The following HPS4 variants were observed in gnomAD, a reference collection of about 807,000 sequenced individuals.
HPS4 encodes the protein BLOC-3 complex member HPS4.
A neutral mutation model predicts 70.3 loss-of-function variants in HPS4; 44 were observed. The ratio of observed to expected loss-of-function variants is 0.63; its 90% CI spans 0.49 to 0.80. The LOEUF (loss-of-function observed/expected upper bound fraction) is 0.80, where lower values mean the gene tolerates loss of function less well. Ranked by LOEUF, HPS4 falls within the 30% of genes least tolerant of loss-of-function variation. HPS4 has a pLI of 0.00. For synonymous variants in HPS4, 377 were observed against 355.9 expected (o/e 1.06, Z -0.67); for missense variants, 873 against 884.4 (o/e 0.99, Z 0.16).
rs574465949 is a variant in HPS4, at chr22:26,469,145, C to T, written c.597-522G>A. Among the ~76,000 whole-genome samples, 27 of 152,106 alleles carry T rather than the reference C, an allele frequency of 1.8e-4. 1 individual carries two copies. In the South Asian group the frequency reaches 5.4e-3, roughly 30 times the overall value. On this transcript the variant is annotated intron_variant, in intron 7 of 13. Coordinates refer to ENST00000398145, the MANE Select transcript of HPS4 (RefSeq NM_022081.6). The stretch of plus-strand genomic sequence containing the variant: ...CCCACCAAACTGCCAATGGTGAGGA[C>T]AGGTTAAGAGTGAGGGAGAGGCTGG...
Position 26,458,451 on chromosome 22 carries a change from G to A in HPS4, c.1840C>T (p.Leu614=). 4 of 1,614,114 alleles carry A rather than the reference G, an allele frequency of 2.5e-6. No homozygotes were observed. The highest frequency in any genetic ancestry group is 3.4e-6 in the Non-Finnish European group (4 of 1,180,008). ...CCCCTTGGCTGGTTCTTACCCATCA[G>A]CAAGCTCTGAATGCGGTCGTAATGT... ...FTHYDRIQSL[L]MANLPQVATP... is the part of the protein sequence containing the mutation. Residue 614 remains leucine (L), a synonymous_variant, in exon 12 of 14, where the codon CTG becomes TTG. Transcript: ENST00000398145.
At position 26,472,317 on chromosome 22, in the gene HPS4, G is replaced by A; in HGVS notation, c.486C>T (p.Asn162=). ...AAAATGTTACTTTAGTTTGGTCCAAGTTCCAGAGGGAATTGAAAATCTTAT... is the reference window on the plus strand; with the variant it reads ...AAAATGTTACTTTAGTTTGGTCCAAATTCCAGAGGGAATTGAAAATCTTAT... ...DLHKIFNSLW[N]LDQTKVEPLL... is the part of the protein sequence containing the mutation. Residue 162 remains asparagine (N), a synonymous_variant, in exon 6 of 14, where the codon AAC becomes AAT. Transcript: ENST00000398145. The A allele has an allele frequency of 6.2e-7, 1 of 1,606,018 alleles. No homozygotes were observed. The highest frequency in any genetic ancestry group is 8.5e-7 in the Non-Finnish European group (1 of 1,172,546).
At chr22:26,473,715 C>T (rs2090153150) in intron 4 of HPS4, among the ~76,000 whole-genome samples, 1 of 152,050 alleles carries the variant, frequency 6.6e-6, no homozygotes, top group Admixed American at 6.6e-5. Flanking sequence ...TGCACTCCAG[C>T]CTGGCAACAG....
intron 4 of HPS4, among the ~76,000 whole-genome samples, chr22:26,475,058 CA>C (rs1205659919): frequency 3.3e-5 from 5 of 152,176 alleles, no homozygotes; most frequent in African/African-American, 1.2e-4. Flanking sequence ...CTCTATGACC[CA>C]GCAATTCCAG....
intron 7 of HPS4, 79 bp downstream of exon 7, chr22:26,470,640 A>G (rs1260678338): frequency 2.9e-6 from 4 of 1,399,624 alleles, no homozygotes; most frequent in African/African-American, 2.8e-5. Context: ...TGGGCTCCCC[A>G]CTGTGATCTG....
chr22:26,464,590 C>G lies in HPS4; in HGVS notation c.1040G>C (p.Gly347Ala). The G allele has an allele frequency of 6.2e-7, 1 of 1,614,206 alleles. No individual in the cohort carries two copies. Among genetic ancestry groups the G allele is most frequent in the Non-Finnish European group, 8.5e-7 (1 of 1,180,048 alleles). The change falls in exon 11 of 14, where the codon GGT becomes GCT. Residue 347 changes from glycine (G) to alanine (A), a missense_variant. Transcript: ENST00000398145. The stretch of plus-strand genomic sequence containing the variant: ...GGAGGAGCTGAGGCCAAGAACCTCA[C>G]CCCTGGCAGAGTTGTGCAGTCCTGC... Reference protein sequence around the residue: ...RPAGLHNSARGEVLGLSSSLG... With the variant: ...RPAGLHNSARAEVLGLSSSLG...
At chr22:26,445,266 G>C (rs929030159) in intron 3 of HPS4, among the ~76,000 whole-genome samples, 82 of 152,230 alleles carry the variant, frequency 5.4e-4, no homozygotes, top group African/African-American at 1.9e-3. Context: ...CCTGGGAGGC[G>C]GGGGCTGCAG....
chr22:26,481,855 A>C lies in HPS4; in HGVS notation c.-93T>G. 11 of 1,200,476 alleles carry C rather than the reference A, an allele frequency of 9.2e-6. No homozygotes were observed. The highest frequency in any genetic ancestry group is 1.5e-5 in the African/African-American group (1 of 67,166). The allele number at this position is 1,200,476 out of a possible 1,614,324, so 74.4% of individuals were successfully genotyped here. On this transcript the variant is annotated 5_prime_UTR_variant, in exon 2 of 14. Coordinates refer to ENST00000398145, the MANE Select transcript of HPS4 (RefSeq NM_022081.6). ...GCTGTGACCGTTCCTCTATCCCCCA[A>C]TCCAGTGAATCTGGACGTGGTAGGT...
chr22:26,464,605 T>G lies in HPS4; in HGVS notation c.1025A>C (p.His342Pro), dbSNP rs1295958718. ...DLESIRPAGL[H>P]NSARGEVLGL... is the part of the protein sequence containing the mutation. ...AAGAACCTCACCCCTGGCAGAGTTG[T>G]GCAGTCCTGCGGGCCTGATGCTCTC... The change falls in exon 11 of 14, where the codon CAC (histidine) becomes CCC (proline). Residue 342 changes from histidine (H) to proline (P), a missense_variant. Physicochemically the swap from His to Pro is moderately conservative, Grantham distance 77 (BLOSUM62 -2). Transcript: ENST00000398145. 2 of 1,614,212 alleles carry G rather than the reference T, an allele frequency of 1.2e-6. No individual in the cohort carries two copies. Among genetic ancestry groups the G allele is most frequent in the Admixed American group, 1.7e-5 (1 of 60,034 alleles).
In HPS4 at chr22:26,481,806, T is replaced by TCCGGTATC. The variant is rs766405923; in HGVS notation, c.-52_-45dup. 6.3e-7 allele frequency: 1 copy of TCCGGTATC among 1,587,152 alleles called. No homozygotes were observed. The highest frequency in any genetic ancestry group is 8.7e-7 in the Non-Finnish European group (1 of 1,155,300). On this transcript the variant is annotated 5_prime_UTR_variant, in exon 2 of 14. Coordinates refer to ENST00000398145, the MANE Select transcript of HPS4 (RefSeq NM_022081.6). ...CATTCTCTTCATTTAGGTTTTCTTT[T>TCCGGTATC]CCGGTATCACTTCTTTCTCCCTAGC...
chr22:26,472,373 C>A lies in HPS4; in HGVS notation c.430G>T (p.Glu144Ter). The change falls in exon 6 of 14, where the codon GAG (glutamate) becomes TAG (stop). Residue 144 changes from glutamate (E) to a stop codon, truncating the protein, a stop_gained. Transcript: ENST00000398145. LOFTEE classifies it high-confidence loss of function. ...ELSTEWDTFI[E>*]QILKNTSDLH... ...TCACTGGTGTTTTTCAGAATTTGCT[C>A]GATGAAGGTGTCCCACTCCGTGCTC... 1.2e-6 allele frequency: 2 copies of A among 1,613,874 alleles called. No individual in the cohort carries two copies. Among genetic ancestry groups the A allele is most frequent in the Non-Finnish European group, 1.7e-6 (2 of 1,179,770 alleles).
chr22:26,470,818 G>A lies in HPS4; in HGVS notation c.502-5C>T. On this transcript the variant is annotated splice_polypyrimidine_tract_variant and splice_region_variant and intron_variant, in intron 6 of 13. Transcript: ENST00000398145. ...CAGCAACAACAGGGGCTCCACCTGT[G>A]CAGGGCAAGAGGCATCATGCCCACC... 4 of 1,614,150 alleles carry A rather than the reference G, an allele frequency of 2.5e-6. No homozygotes were observed. Among genetic ancestry groups the A allele is most frequent in the South Asian group, 1.1e-5 (1 of 91,084 alleles).
intron 2 of HPS4, chr22:26,479,653 T>C: frequency 2.4e-6 from 3 of 1,265,374 alleles, no homozygotes; most frequent in East Asian, 3.8e-5. Flanking sequence ...TTTGAAACAC[T>C]GAACCTTAAC....
rs1364795990 is a variant in HPS4 at position 26,472,741 on chromosome 22, T to A, written c.384+91A>T. ...CCAGACACAATGTGTTTATATGAAG[T>A]ATACAAGACCCCAGAGTAAGTGCTG... On this transcript the variant is annotated intron_variant, in intron 5 of 13. Transcript: ENST00000398145. 12 of 978,850 alleles carry A rather than the reference T, an allele frequency of 1.2e-5. No individual in the cohort carries two copies. In the Admixed American group the frequency reaches 1.9e-4, roughly 15 times the overall value. The allele number at this position is 978,850 out of a possible 1,614,324, so 60.6% of individuals were successfully genotyped here.
chr22:26,472,440 G>A (rs376852561), intron 5 of HPS4, 22 bp from the exon 6 acceptor site: 6 of 1,402,742 alleles, frequency 4.3e-6, no homozygotes, highest in African/African-American at 2.8e-5. Context: ...AGAGCCTCAG[G>A]TCAATATCTG....
At chr22:26,470,907 G>T in intron 6 of HPS4, 94 bp from the exon 7 acceptor site, 2 of 1,569,486 alleles carry the variant, frequency 1.3e-6, no homozygotes, top group African/African-American at 2.7e-5. Context: ...CAGCTGGACA[G>T]GGTGTAGCTC....
At chr22:26,474,579 T>C (rs56782074) in intron 4 of HPS4, among the ~76,000 whole-genome samples, 4,383 of 152,152 alleles carry the variant, frequency 0.029, 281 homozygotes, top group East Asian at 0.15. Flanking sequence ...AAAGATAAAA[T>C]TTATAAGTTA....
chr22:26,455,594 A>C, intron 13 of HPS4, among the ~76,000 whole-genome samples: 1 of 71,746 alleles, frequency 1.4e-5, no homozygotes, highest in Non-Finnish European at 2.5e-5. Context: ...GGGTGGGGGG[A>C]GGGGGGAGGG....
rs532145969 is a variant in HPS4, at chr22:26,472,220, T to G, written c.501+82A>C. The G allele has an allele frequency of 2.5e-5, 22 of 894,966 alleles. No individual in the cohort carries two copies. The African/African-American group carries it at 3.1e-4, about 13-fold the overall frequency. 55.4% of individuals were successfully genotyped at this position (894,966 alleles called of 1,614,324 possible). ...GACATTCTACTCACTTTTCCAGATA[T>G]AGTTCACTTCAGGAATATTAAAAAA... On this transcript the variant is annotated intron_variant, in intron 6 of 13. Coordinates refer to ENST00000398145, the MANE Select transcript of HPS4 (RefSeq NM_022081.6).
Sources: allele counts gnomAD v4.1 joint callset (sites outside exome capture counted in the v4.1 genomes callset), GRCh38; gene constraint gnomAD v4.1.1; transcripts MANE v1.5; gene names NCBI Gene and HGNC (gene_info 2026-07-23, HGNC 2026-07-21).